Variants in DLG2 observed in about 807,000 individuals in gnomAD.
DLG2 encodes discs large MAGUK scaffold protein 2.
Under a neutral mutation model 132.5 loss-of-function variants are expected in DLG2, and 45 were observed. The ratio of observed to expected loss-of-function variants is 0.34; its 90% CI spans 0.27 to 0.44. The LOEUF is 0.44. Among genes scored for constraint, DLG2 ranks in the 20% least tolerant of loss-of-function variants. DLG2 has a pLI of 1.00. For synonymous variants in DLG2, 424 were observed against 419.6 expected (o/e 1.01, Z -0.13); for missense variants, 1,045 against 1,196.9 (o/e 0.87, Z 1.87).
intron 6 of DLG2, among the ~76,000 whole-genome samples, chr11:84,550,486 T>G (rs1295323512): frequency 6.6e-6 from 1 of 152,230 alleles, no homozygotes; most frequent in Non-Finnish European, 1.5e-5. Context: ...TTGCCTTCAC[T>G]GCTCATTCAA....
At chr11:85,129,387 C>T (rs960014608) in intron 5 of DLG2, among the ~76,000 whole-genome samples, 1 of 152,168 alleles carries the variant, frequency 6.6e-6, no homozygotes. Flanking sequence ...GGGGTAAGAT[C>T]TAAGGTGGGA....
At chr11:84,245,942 T>C (rs995946587) in intron 8 of DLG2, among the ~76,000 whole-genome samples, 7 of 152,216 alleles carry the variant, frequency 4.6e-5, no homozygotes, top group Non-Finnish European at 1.0e-4. Context: ...TTCTGGCCAA[T>C]TGGGTGTTGG....
chr11:84,155,585 T>C (rs1227199324), intron 9 of DLG2, among the ~76,000 whole-genome samples: 1 of 151,806 alleles, frequency 6.6e-6, no homozygotes, highest in African/African-American at 2.4e-5. Context: ...TGCAGATTAG[T>C]GGGCAGATGT....
intron 8 of DLG2, among the ~76,000 whole-genome samples, chr11:84,207,459 C>T (rs2096685988): frequency 6.6e-6 from 1 of 151,960 alleles, no homozygotes; most frequent in Admixed American, 6.6e-5. Flanking sequence ...ATCACTGGAA[C>T]AAAATACTGA....
intron 6 of DLG2, among the ~76,000 whole-genome samples, chr11:84,759,342 G>A (rs2067297972): frequency 6.6e-6 from 1 of 152,180 alleles, no homozygotes; most frequent in African/African-American, 2.4e-5. Context: ...AAGCTATGCA[G>A]GATGTTAAGG....
Position 83,782,181 on chromosome 11 carries a change from C to T in DLG2, c.1825+4509G>A, listed in dbSNP as rs532999247. Among the ~76,000 whole-genome samples the T allele has an allele frequency of 1.6e-4, 25 of 152,254 alleles. No homozygotes were observed. The East Asian group carries it at 4.6e-3, about 28-fold the overall frequency. On this transcript the variant is annotated intron_variant, in intron 18 of 27. Coordinates refer to ENST00000376104, the MANE Select transcript of DLG2 (RefSeq NM_001142699.3). ...ATGTCCAAACCAGGGATTCAATTAC[C>T]ATCTCTGAATCTAATATAAAAACCC...
intron 7 of DLG2, among the ~76,000 whole-genome samples, chr11:84,314,756 T>G (rs1403359691): frequency 6.6e-6 from 1 of 151,752 alleles, no homozygotes; most frequent in African/African-American, 2.4e-5. Context: ...TTAATATACA[T>G]AAGTAGTTAG....
intron 14 of DLG2, among the ~76,000 whole-genome samples, chr11:83,933,856 A>G (rs781117223): frequency 1.1e-4 from 16 of 152,244 alleles, no homozygotes; most frequent in Non-Finnish European, 2.1e-4. Flanking sequence ...GGCCTAGGCC[A>G]TTTGGATTCT....
intron 6 of DLG2, among the ~76,000 whole-genome samples, chr11:84,928,089 G>A (rs1331320521): frequency 1.3e-5 from 2 of 151,908 alleles, no homozygotes; most frequent in African/African-American, 2.4e-5. Flanking sequence ...TAACTTTATA[G>A]AAGAGGAAAG....
intron 7 of DLG2, among the ~76,000 whole-genome samples, chr11:84,474,032 T>A (rs1007858611): frequency 1.3e-5 from 2 of 152,040 alleles, no homozygotes; most frequent in African/African-American, 4.8e-5. Context: ...ACAATGAGCA[T>A]GCAGTTGTTC....
At chr11:83,876,769 A>T (rs1405426401) in intron 15 of DLG2, among the ~76,000 whole-genome samples, 1 of 152,164 alleles carries the variant, frequency 6.6e-6, no homozygotes, top group East Asian at 1.9e-4. Context: ...CTGACTCTCT[A>T]CGTGTCCATA....
At chr11:85,012,896 C>T (rs533625215) in intron 6 of DLG2, among the ~76,000 whole-genome samples, 153 of 152,164 alleles carry the variant, frequency 1.0e-3, no homozygotes, top group South Asian at 2.5e-3. Context: ...ATTTTATCAC[C>T]CCTTAGAGCC....
At chr11:84,319,975 G>T (rs2098394690) in intron 7 of DLG2, among the ~76,000 whole-genome samples, 1 of 152,102 alleles carries the variant, frequency 6.6e-6, no homozygotes, top group South Asian at 2.1e-4. Flanking sequence ...CACTTAAACA[G>T]ATAAATATGT....
chr11:85,298,199 A>C (rs538544206), intron 3 of DLG2, among the ~76,000 whole-genome samples: 1 of 152,316 alleles, frequency 6.6e-6, no homozygotes, highest in Admixed American at 6.5e-5. Context: ...GAGAGTGAAA[A>C]TATGGCAGTA....
chr11:84,697,111 A>G (rs1165889578), intron 6 of DLG2, among the ~76,000 whole-genome samples: 1 of 151,428 alleles, frequency 6.6e-6, no homozygotes, highest in Non-Finnish European at 1.5e-5. Flanking sequence ...CTGTGTTTAT[A>G]GGGCAAACAA....
chr11:83,859,434 T>C (rs2061075812), intron 16 of DLG2, among the ~76,000 whole-genome samples: 1 of 152,218 alleles, frequency 6.6e-6, no homozygotes, highest in Admixed American at 6.5e-5. Flanking sequence ...AACTCCTTGT[T>C]ATGTTTTAGC....
chr11:85,445,731 A>G (rs900395727), intron 3 of DLG2, among the ~76,000 whole-genome samples: 4 of 152,196 alleles, frequency 2.6e-5, no homozygotes. Flanking sequence ...CACCTCATTT[A>G]AAAAGAGACA....
At chr11:84,980,900 G>A (rs2055639311) in intron 6 of DLG2, among the ~76,000 whole-genome samples, 1 of 152,092 alleles carries the variant, frequency 6.6e-6, no homozygotes, top group Non-Finnish European at 1.5e-5. Flanking sequence ...TGACTCTCCT[G>A]GCTTGGCCTG....
intron 21 of DLG2, chr11:83,486,296 G>GAT (rs1483724891): frequency 3.0e-6 from 2 of 675,974 alleles, no homozygotes; most frequent in African/African-American, 1.8e-5. Context: ...AATGGCATGT[G>GAT]ATACTGCAAG....
Sources: allele counts gnomAD v4.1 joint callset (sites outside exome capture counted in the v4.1 genomes callset), GRCh38; gene constraint gnomAD v4.1.1; transcripts MANE v1.5; gene names NCBI Gene and HGNC (gene_info 2026-07-23, HGNC 2026-07-21).